The following CCDC191 variants were observed in gnomAD, a reference collection of about 807,000 sequenced individuals.
The protein encoded by CCDC191 is coiled-coil domain-containing protein 191.
A neutral mutation model predicts 114.0 loss-of-function variants in CCDC191; 99 were observed. The ratio of observed to expected loss-of-function variants is 0.87; its 90% CI spans 0.74 to 1.03. The LOEUF (loss-of-function observed/expected upper bound fraction) is 1.03. CCDC191 is among the 50% of genes least tolerant of loss of function. The pLI, the probability that CCDC191 is intolerant of heterozygous loss-of-function variation, is 0.00. For synonymous variants in CCDC191, 351 were observed against 376.0 expected (o/e 0.93, Z 0.77); for missense variants, 973 against 1,087.0 (o/e 0.90, Z 1.47).
At chr3:114,030,363 T>G (rs60751207) in intron 7 of CCDC191, among the ~76,000 whole-genome samples, 2,363 of 152,252 alleles carry the variant, frequency 0.016, 58 homozygotes, top group African/African-American at 0.054. Context: ...ATCATGGTAT[T>G]TTTTCCTTAT....
chr3:113,982,871 C>A (rs80242021), intron 13 of CCDC191, among the ~76,000 whole-genome samples: 18 of 139,304 alleles, frequency 1.3e-4, no homozygotes, highest in Admixed American at 2.2e-4. Flanking sequence ...AAAAAAAAAA[C>A]CAAAAATAAA....
intron 6 of CCDC191, among the ~76,000 whole-genome samples, chr3:114,033,967 T>G (rs1473807454): frequency 1.3e-5 from 2 of 152,242 alleles, no homozygotes; most frequent in Non-Finnish European, 2.9e-5. Flanking sequence ...GTTCGAGTAG[T>G]CAGACACTTC....
chr3:113,996,173 G>A (rs1448911382), intron 13 of CCDC191, among the ~76,000 whole-genome samples: 2 of 151,872 alleles, frequency 1.3e-5, no homozygotes, highest in East Asian at 1.9e-4. Context: ...ATTGCTATTG[G>A]TGTCTTTGCC....
chr3:114,049,539 G>C (rs925349538), intron 2 of CCDC191, among the ~76,000 whole-genome samples: 1 of 152,164 alleles, frequency 6.6e-6, no homozygotes, highest in African/African-American at 2.4e-5. Flanking sequence ...TATGTGTTAT[G>C]TGTCATCCTA....
chr3:113,979,824 AAGATG>A (rs1386198998), intron 14 of CCDC191, among the ~76,000 whole-genome samples: 1 of 152,230 alleles, frequency 6.6e-6, no homozygotes, highest in Admixed American at 6.5e-5. Context: ...TGAGAGCCAA[AAGATG>A]AGATAACATT....
rs2076603188 is a variant in CCDC191 at position 114,044,464 on chromosome 3, C to T, written c.272-1618G>A. Among the ~76,000 whole-genome samples the T allele has an allele frequency of 2.0e-5, 3 of 152,168 alleles. No homozygotes were observed. In the South Asian group the frequency reaches 6.2e-4, roughly 32 times the overall value. ...GCTCTTTTGTCTATTTTCTCATTAC[C>T]TTCATCATTATGATGATCATTATTG... is the stretch of plus-strand genomic sequence containing the variant. On this transcript the variant is annotated intron_variant, in intron 3 of 16. Transcript: ENST00000295878.
intron 3 of CCDC191, among the ~76,000 whole-genome samples, chr3:114,044,764 AT>A (rs1259668267): frequency 2.0e-5 from 3 of 152,176 alleles, no homozygotes; most frequent in African/African-American, 7.2e-5. Flanking sequence ...GTAAATGGGG[AT>A]TTACTGTGAA....
At chr3:113,986,047 C>A (rs2075343558) in intron 13 of CCDC191, among the ~76,000 whole-genome samples, 1 of 152,014 alleles carries the variant, frequency 6.6e-6, no homozygotes, top group Non-Finnish European at 1.5e-5. Context: ...AAATAACTTC[C>A]AAAAATAATG....
intron 4 of CCDC191, among the ~76,000 whole-genome samples, chr3:114,041,617 A>G (rs183378932): frequency 6.6e-6 from 1 of 152,300 alleles, no homozygotes; most frequent in Admixed American, 6.5e-5. Context: ...AGGAGGGTAG[A>G]TCAGACTACC....
intron 16 of CCDC191, among the ~76,000 whole-genome samples, chr3:113,970,839 T>A (rs893850308): frequency 7.2e-5 from 11 of 152,114 alleles, no homozygotes; most frequent in Non-Finnish European, 1.0e-4. Context: ...GTCCTTGCGA[T>A]AGTTTGCTGA....
At chr3:113,970,979 T>A (rs1432208107) in intron 16 of CCDC191, among the ~76,000 whole-genome samples, 1 of 152,216 alleles carries the variant, frequency 6.6e-6, no homozygotes, top group Admixed American at 6.5e-5. Context: ...GTTGGACATT[T>A]GGGTTGGTTC....
chr3:114,020,494 G>A (rs2076227731), intron 7 of CCDC191, among the ~76,000 whole-genome samples: 1 of 152,118 alleles, frequency 6.6e-6, no homozygotes, highest in Non-Finnish European at 1.5e-5. Context: ...CTTCACCTTA[G>A]ATCTTTTGGA....
At position 114,018,875 on chromosome 3, in the gene CCDC191, C is replaced by T. The variant is rs368665564; in HGVS notation, c.973-7G>A. 1.8e-5 allele frequency: 29 copies of T among 1,612,070 alleles called. No homozygotes were observed. Among genetic ancestry groups the T allele is most frequent in the Admixed American group, 8.4e-5 (5 of 59,774 alleles). The stretch of plus-strand genomic sequence containing the variant: ...CGAAATACCGTTTTTGACACTGCAG[C>T]GGAAATATTAGGAAAATCACCACCC... On this transcript the variant is annotated splice_region_variant and splice_polypyrimidine_tract_variant and intron_variant, in intron 7 of 16. Coordinates refer to ENST00000295878, the MANE Select transcript of CCDC191 (RefSeq NM_020817.2).
intron 13 of CCDC191, among the ~76,000 whole-genome samples, chr3:113,998,646 A>C (rs542974732): frequency 2.0e-5 from 3 of 152,294 alleles, no homozygotes; most frequent in African/African-American, 7.2e-5. Flanking sequence ...ACTAACAATG[A>C]GTCCCTGATG....
chr3:113,969,940 G>T (rs568409678), intron 16 of CCDC191, among the ~76,000 whole-genome samples: 40 of 152,258 alleles, frequency 2.6e-4, no homozygotes, highest in African/African-American at 9.6e-4. Flanking sequence ...GCTTTGGGTA[G>T]TATTGCCATT....
chr3:114,027,990 A>G (rs2076348719), intron 7 of CCDC191, among the ~76,000 whole-genome samples: 1 of 152,172 alleles, frequency 6.6e-6, no homozygotes, highest in African/African-American at 2.4e-5. Flanking sequence ...GGACTGTCCT[A>G]TCTATAACCA....
At chr3:113,970,227 T>C (rs1238211587) in intron 16 of CCDC191, among the ~76,000 whole-genome samples, 1 of 151,992 alleles carries the variant, frequency 6.6e-6, no homozygotes, top group Non-Finnish European at 1.5e-5. Context: ...TGAATTTGTT[T>C]GTCAGATCTA....
At chr3:113,984,983 T>C (rs1045893209) in intron 13 of CCDC191, among the ~76,000 whole-genome samples, 2 of 152,128 alleles carry the variant, frequency 1.3e-5, no homozygotes, top group Admixed American at 6.6e-5. Context: ...GACCTAAGCA[T>C]TTGTTTACCG....
chr3:113,981,057 C>A (rs887872579), intron 13 of CCDC191, among the ~76,000 whole-genome samples: 2 of 152,140 alleles, frequency 1.3e-5, no homozygotes, highest in African/African-American at 4.8e-5. Context: ...GAAATAATTT[C>A]TCTCTCACCA....
Sources: gnomAD v4.1 joint callset for allele counts (sites outside exome capture counted in the v4.1 genomes callset) on GRCh38, gnomAD v4.1.1 for gene constraint, MANE v1.5 for transcripts, NCBI Gene and HGNC (gene_info 2026-07-23, HGNC 2026-07-21) for gene names.